ZHX2: variants seen among roughly 807,000 people sequenced by gnomAD.
ZHX2 encodes zinc fingers and homeoboxes 2.
Under a neutral mutation model 21.9 loss-of-function variants are expected in ZHX2, and 6 were observed. The ratio of observed to expected loss-of-function variants is 0.27; its 90% CI spans 0.15 to 0.54. ZHX2 has a LOEUF of 0.54. Ranked by LOEUF, ZHX2 falls within the 20% of genes least tolerant of loss-of-function variation. The probability of loss-of-function intolerance (pLI) is 0.95; values close to 1 mark genes in which losing one functional copy is unlikely to be tolerated. For synonymous variants in ZHX2, 434 were observed against 437.1 expected, an observed-to-expected ratio of 0.99 and a Z score of 0.09; for missense variants, 908 against 1,090.7, an observed-to-expected ratio of 0.83 and a Z score of 2.36.
At chr8:122,793,622 AC>A (rs1817564202) in intron 1 of ZHX2, among the ~76,000 whole-genome samples, 1 of 152,218 alleles carries the variant, frequency 6.6e-6, no homozygotes, top group African/African-American at 2.4e-5. Context: ...GGGAGCACTA[AC>A]TGATCTGTCA....
At chr8:122,797,856 C>G (rs187008982) in intron 1 of ZHX2, among the ~76,000 whole-genome samples, 1 of 152,356 alleles carries the variant, frequency 6.6e-6, no homozygotes, top group East Asian at 1.9e-4. Flanking sequence ...ACTGCCAGCA[C>G]TAATGATACT....
intron 1 of ZHX2, among the ~76,000 whole-genome samples, chr8:122,821,862 G>C (rs1818160140): frequency 1.3e-5 from 2 of 152,158 alleles, no homozygotes; most frequent in African/African-American, 4.8e-5. Flanking sequence ...GTGCCACCAC[G>C]CCTGGCTAAT....
At chr8:122,941,991 T>C (rs143288181) in intron 2 of ZHX2, among the ~76,000 whole-genome samples, 1 of 152,136 alleles carries the variant, frequency 6.6e-6, no homozygotes, top group Non-Finnish European at 1.5e-5. Flanking sequence ...TGGAGAAAAA[T>C]CAGAAAACTC....
At chr8:122,877,233 T>C (rs901531226) in intron 2 of ZHX2, among the ~76,000 whole-genome samples, 1 of 152,184 alleles carries the variant, frequency 6.6e-6, no homozygotes, top group Non-Finnish European at 1.5e-5. Flanking sequence ...TGCCATGAGG[T>C]TTAAAATGAA....
At chr8:122,911,112 G>A (rs74723886) in intron 2 of ZHX2, among the ~76,000 whole-genome samples, 2 of 152,158 alleles carry the variant, frequency 1.3e-5, no homozygotes, top group African/African-American at 2.4e-5. Context: ...CTACACACAC[G>A]CAGGATGGCC....
At chr8:122,939,834 A>C (rs1236826935) in intron 2 of ZHX2, among the ~76,000 whole-genome samples, 2 of 152,204 alleles carry the variant, frequency 1.3e-5, no homozygotes, top group African/African-American at 4.8e-5. Context: ...GTGCCTGGCC[A>C]CTGAAAGGCG....
At chr8:122,966,644 T>C (rs1813593047) in intron 3 of ZHX2, among the ~76,000 whole-genome samples, 1 of 152,218 alleles carries the variant, frequency 6.6e-6, no homozygotes, top group Middle Eastern at 3.2e-3. Context: ...GTGATGATCT[T>C]TTTGTGATCA....
intron 2 of ZHX2, among the ~76,000 whole-genome samples, chr8:122,898,739 A>G (rs951614135): frequency 2.0e-5 from 3 of 152,270 alleles, no homozygotes; most frequent in African/African-American, 7.2e-5. Context: ...AAGCTTCACA[A>G]TAATCCTCTG....
At chr8:122,840,630 G>A (rs1818602613) in intron 1 of ZHX2, among the ~76,000 whole-genome samples, 1 of 152,192 alleles carries the variant, frequency 6.6e-6, no homozygotes, top group African/African-American at 2.4e-5. Flanking sequence ...CATGCTCAGT[G>A]CATACTCAAT....
intron 1 of ZHX2, among the ~76,000 whole-genome samples, chr8:122,814,716 C>T (rs189174338): frequency 1.4e-4 from 22 of 152,326 alleles, no homozygotes; most frequent in Non-Finnish European, 2.6e-4. Context: ...CTGGCACCCT[C>T]TGTAGACACT....
chr8:122,945,413 C>G (rs1444095189), intron 2 of ZHX2, among the ~76,000 whole-genome samples: 1 of 105,824 alleles, frequency 9.4e-6, no homozygotes. Flanking sequence ...GATCATTTCT[C>G]TTTTATATAA....
chr8:122,950,983 A>C (rs1813095362), intron 2 of ZHX2, among the ~76,000 whole-genome samples: 1 of 149,990 alleles, frequency 6.7e-6, no homozygotes, highest in African/African-American at 2.5e-5. Context: ...ACCATCTGCG[A>C]CTCCCTCTCA....
intron 3 of ZHX2, among the ~76,000 whole-genome samples, chr8:122,970,319 A>G (rs1586434499): frequency 6.6e-6 from 1 of 152,350 alleles, no homozygotes; most frequent in South Asian, 2.1e-4. Context: ...CTCTGACAGC[A>G]CTATGCTCAC....
intron 1 of ZHX2, among the ~76,000 whole-genome samples, chr8:122,849,456 G>A (rs1319921457): frequency 1.3e-5 from 2 of 152,228 alleles, no homozygotes; most frequent in African/African-American, 4.8e-5. Context: ...TCTGGAGGCT[G>A]AGAGTCTGGA....
intron 1 of ZHX2, among the ~76,000 whole-genome samples, chr8:122,819,728 G>A (rs553468328): frequency 9.9e-5 from 15 of 152,240 alleles, no homozygotes; most frequent in Non-Finnish European, 2.2e-4. Flanking sequence ...CAAAGTTGAC[G>A]AGAGCCCAGA....
rs138876983 is a variant in ZHX2 at position 122,844,133 on chromosome 8, C to A, written c.-282-19344C>A. On this transcript the variant is annotated intron_variant, in intron 1 of 3. Transcript: ENST00000314393. The stretch of plus-strand genomic sequence containing the variant: ...ATGCAAGGACAAGGAAGCCAGGAGG[C>A]GGGAAGGAAAAAGGGAACTGCCCTG... 2.8e-3 allele frequency among the ~76,000 whole-genome samples: 420 copies of A among 152,210 alleles called. 1 individual carries two copies. Among genetic ancestry groups the A allele is most frequent in the Admixed American group, 7.1e-3 (108 of 15,302 alleles).
chr8:122,878,501 G>A (rs1396339958), intron 2 of ZHX2, among the ~76,000 whole-genome samples: 3 of 152,108 alleles, frequency 2.0e-5, no homozygotes, highest in Non-Finnish European at 4.4e-5. Flanking sequence ...ACAAAGCTTC[G>A]CACATCATTC....
At chr8:122,818,697 C>T (rs990147592) in intron 1 of ZHX2, among the ~76,000 whole-genome samples, 8 of 152,218 alleles carry the variant, frequency 5.3e-5, no homozygotes, top group African/African-American at 1.9e-4. Flanking sequence ...CCAGGACGCG[C>T]CCCGTGAGGA....
intron 3 of ZHX2, among the ~76,000 whole-genome samples, chr8:122,969,992 A>G (rs140005641): frequency 1.3e-4 from 20 of 152,322 alleles, no homozygotes; most frequent in Non-Finnish European, 2.6e-4. Context: ...CCAAGACAGA[A>G]AGGGAGGGTG....
Sources: gnomAD v4.1 joint callset for allele counts (sites outside exome capture counted in the v4.1 genomes callset) on GRCh38, gnomAD v4.1.1 for gene constraint, MANE v1.5 for transcripts, NCBI Gene and HGNC (gene_info 2026-07-23, HGNC 2026-07-21) for gene names.